Variants in IFT43 observed in about 807,000 individuals in gnomAD.
IFT43 encodes intraflagellar transport 43.
A neutral mutation model predicts 32.3 loss-of-function variants in IFT43; 33 were observed. The ratio of observed to expected loss-of-function variants is 1.02; its 90% CI spans 0.77 to 1.37. The LOEUF (loss-of-function observed/expected upper bound fraction) is 1.37. IFT43 is among the 40% of genes most tolerant of loss of function. The pLI is 0.00. For synonymous variants in IFT43, 93 were observed against 98.2 expected, an observed-to-expected ratio of 0.95 and a Z score of 0.31; for missense variants, 274 against 265.9, an observed-to-expected ratio of 1.03 and a Z score of -0.21.
chr14:76,023,319 C>T (rs551744851), intron 3 of IFT43, among the ~76,000 whole-genome samples: 3 of 152,258 alleles, frequency 2.0e-5, no homozygotes, highest in South Asian at 2.1e-4. Flanking sequence ...GATGCTGATC[C>T]CTGTGGTTCC....
At chr14:76,044,899 A>G (rs546556485) in intron 3 of IFT43, among the ~76,000 whole-genome samples, 1 of 152,202 alleles carries the variant, frequency 6.6e-6, no homozygotes, top group Admixed American at 6.5e-5. Flanking sequence ...TAGTAAATAC[A>G]TTTTTCTTCT....
chr14:75,991,289 C>T (rs2035633452), intron 2 of IFT43, among the ~76,000 whole-genome samples: 1 of 151,160 alleles, frequency 6.6e-6, no homozygotes, highest in Non-Finnish European at 1.5e-5. Flanking sequence ...TGAGATCTTG[C>T]CATTGCACTC....
intron 3 of IFT43, among the ~76,000 whole-genome samples, chr14:76,054,128 C>T (rs966530728): frequency 1.3e-5 from 2 of 152,170 alleles, no homozygotes; most frequent in African/African-American, 2.4e-5. Flanking sequence ...GTCTTGTCTA[C>T]GTGACTAGGT....
At chr14:76,033,552 C>G (rs778808067) in intron 3 of IFT43, among the ~76,000 whole-genome samples, 2 of 152,030 alleles carry the variant, frequency 1.3e-5, no homozygotes, top group African/African-American at 4.8e-5. Flanking sequence ...GGAAGACAGA[C>G]TGACTGTTGA....
intron 3 of IFT43, among the ~76,000 whole-genome samples, chr14:76,046,455 G>A (rs2140020665): frequency 6.6e-6 from 1 of 152,210 alleles, no homozygotes; most frequent in South Asian, 2.1e-4. Context: ...TGGGTCCCCA[G>A]AAGCAAAAAG....
intron 3 of IFT43, among the ~76,000 whole-genome samples, chr14:76,025,326 G>T (rs1326977639): frequency 5.3e-5 from 8 of 152,016 alleles, no homozygotes; most frequent in African/African-American, 1.9e-4. Flanking sequence ...ACTCAATATT[G>T]AGTCCATTCA....
chr14:76,081,784 T>C (rs2037513974), intron 5 of IFT43, among the ~76,000 whole-genome samples: 1 of 152,194 alleles, frequency 6.6e-6, no homozygotes, highest in South Asian at 2.1e-4. Flanking sequence ...AGATGCAGGC[T>C]GAGGGCCCTG....
chr14:76,073,861 C>G (rs555318168), intron 5 of IFT43, among the ~76,000 whole-genome samples: 1 of 152,218 alleles, frequency 6.6e-6, no homozygotes, highest in Non-Finnish European at 1.5e-5. Context: ...CCGTTCTCCC[C>G]CTCCCCCCGT....
chr14:76,048,420 A>G (rs537310719), intron 3 of IFT43, among the ~76,000 whole-genome samples: 2 of 152,350 alleles, frequency 1.3e-5, no homozygotes, highest in Admixed American at 6.5e-5. Context: ...GAGGCCAACC[A>G]TTGGTTAAAA....
intron 2 of IFT43, among the ~76,000 whole-genome samples, chr14:76,019,915 A>G (rs540142069): frequency 6.7e-6 from 1 of 150,262 alleles, no homozygotes; most frequent in African/African-American, 2.4e-5. Context: ...GTTCTTTTTT[A>G]TGATGTTTAT....
chr14:76,055,641 C>T (rs555803440), intron 3 of IFT43, among the ~76,000 whole-genome samples: 5 of 152,146 alleles, frequency 3.3e-5, no homozygotes, highest in African/African-American at 4.8e-5. Context: ...ACTGCACTAG[C>T]CTGAGGTGCC....
At chr14:76,033,385 T>C (rs2036542755) in intron 3 of IFT43, among the ~76,000 whole-genome samples, 1 of 152,150 alleles carries the variant, frequency 6.6e-6, no homozygotes, top group Non-Finnish European at 1.5e-5. Flanking sequence ...GAGAGATTGA[T>C]TGACCTTGGA....
intron 2 of IFT43, among the ~76,000 whole-genome samples, chr14:75,991,744 AT>A (rs2035648083): frequency 6.6e-6 from 1 of 152,050 alleles, no homozygotes; most frequent in African/African-American, 2.4e-5. Context: ...GTGCATTACC[AT>A]TTTTGTGGGA....
intron 1 of IFT43, among the ~76,000 whole-genome samples, chr14:75,987,095 CA>C (rs1418512792): frequency 6.6e-6 from 1 of 152,166 alleles, no homozygotes; most frequent in Non-Finnish European, 1.5e-5. Flanking sequence ...ACAGGGTCTT[CA>C]AAAAGTTTAA....
chr14:76,032,012 A>C (rs916548403), intron 3 of IFT43, among the ~76,000 whole-genome samples: 1 of 152,138 alleles, frequency 6.6e-6, no homozygotes, highest in African/African-American at 2.4e-5. Flanking sequence ...TGGAATATGC[A>C]ACACAAACCT....
At chr14:76,015,897 G>GTAGAACTCTGA in intron 2 of IFT43, among the ~76,000 whole-genome samples, 1 of 152,284 alleles carries the variant, frequency 6.6e-6, no homozygotes, top group East Asian at 1.9e-4. Context: ...ATCTCAGTGT[G>GTAGAACTCTGA]GTTTTGGATT....
intron 5 of IFT43, chr14:76,076,529 G>T (rs1176555306): frequency 1.2e-6 from 2 of 1,602,650 alleles, no homozygotes; most frequent in Admixed American, 1.7e-5. Context: ...CAGGTGAAGA[G>T]CTGGGTAGTG....
chr14:76,082,189 C>T, intron 5 of IFT43, 106 bp from the exon 6 acceptor site: 1 of 1,026,164 alleles, frequency 9.7e-7, no homozygotes, highest in East Asian at 2.4e-5. Flanking sequence ...TGCCCCAGCC[C>T]ACAGCCCCAT....
intron 5 of IFT43, among the ~76,000 whole-genome samples, chr14:76,075,550 T>G (rs2037398239): frequency 6.6e-6 from 1 of 152,272 alleles, no homozygotes; most frequent in Non-Finnish European, 1.5e-5. Context: ...AAAGCCATTT[T>G]CTGGTATTTG....
Sources: gnomAD v4.1 joint callset for allele counts (sites outside exome capture counted in the v4.1 genomes callset) on GRCh38, gnomAD v4.1.1 for gene constraint, MANE v1.5 for transcripts, NCBI Gene and HGNC (gene_info 2026-07-23, HGNC 2026-07-21) for gene names.